Variants in DST observed in about 807,000 individuals in gnomAD.
DST encodes bullous pemphigoid antigen.
Under a neutral mutation model 875.2 loss-of-function variants are expected in DST, and 253 were observed. The ratio of observed to expected loss-of-function variants is 0.29; its 90% CI spans 0.26 to 0.32. The LOEUF is 0.32. Ranked by LOEUF, DST falls within the 10% of genes least tolerant of loss-of-function variation. The pLI is 1.00. For missense variants in DST, 8,287 were observed against 9,111.6 expected (o/e 0.91, Z 3.68); for synonymous variants, 3,124 against 3,197.1 (o/e 0.98, Z 0.77).
intron 17 of DST, 44 bp from the exon 18 acceptor site, chr6:56,640,649 T>C (rs2098886913): frequency 1.4e-6 from 2 of 1,439,692 alleles, no homozygotes; most frequent in Non-Finnish European, 2.0e-6. Context: ...ATAAAGGCAC[T>C]TGTAACAAAG....
At chr6:56,523,411 A>C (rs2096741790) in intron 69 of DST, among the ~76,000 whole-genome samples, 1 of 152,136 alleles carries the variant, frequency 6.6e-6, no homozygotes, top group Non-Finnish European at 1.5e-5. Flanking sequence ...ATTTATACAA[A>C]GTGGTTACAA....
chr6:56,515,355 A>C, intron 72 of DST, 95 bp downstream of exon 72: 2 of 1,371,364 alleles, frequency 1.5e-6, no homozygotes, highest in South Asian at 2.8e-5. Flanking sequence ...AAAATGCCTT[A>C]ATCATGTAAG....
Position 56,608,368 on chromosome 6 carries a change from A to G in DST, c.6260T>C (p.Leu2087Ser). Residue 2087 changes from leucine (L) to serine (S), a missense_variant, in exon 40 of 104, where the codon TTG becomes TCG. Transcript: ENST00000680361. ...TTCATTTGTAATCAATTCTTGCTGC[A>G]AGGAAGATGATGTGGGAAATATTTC... ...SGEIFPTSSS[L>S]QQELITNELA... 1 of 1,612,888 alleles carries G rather than the reference A, an allele frequency of 6.2e-7. No homozygotes were observed. Among genetic ancestry groups the G allele is most frequent in the Non-Finnish European group, 8.5e-7 (1 of 1,179,786 alleles).
intron 53 of DST, 24 bp downstream of exon 53, chr6:56,572,076 T>A: frequency 1.5e-6 from 2 of 1,312,014 alleles, no homozygotes; most frequent in Non-Finnish European, 2.0e-6. Context: ...TAGAATAAAA[T>A]ATAATTTTTA....
In DST at chr6:56,605,189, T is replaced by A. The variant is rs749282620; in HGVS notation, c.9439A>T (p.Lys3147Ter). 6.2e-7 allele frequency: 1 copy of A among 1,611,868 alleles called. No homozygotes were observed. Among genetic ancestry groups the A allele is most frequent in the African/African-American group, 1.3e-5 (1 of 74,860 alleles). Residue 3147 changes from lysine (K) to a stop codon, truncating the protein, a stop_gained, in exon 40 of 104, where the codon AAA becomes TAA. Coordinates refer to ENST00000680361, the MANE Select transcript of DST (RefSeq NM_001374736.1). LOFTEE classifies it high-confidence loss of function. ...LEEIFDTSVSKEISDDITSDI... is the reference protein window; with the variant it reads ...LEEIFDTSVS ...GAAGTAATGTCATCACTAATCTCTT[T>A]GGAAACTGATGTGTCAAAAATTTCT...
intron 4 of DST, among the ~76,000 whole-genome samples, chr6:56,762,885 T>C (rs2099620832): frequency 6.7e-6 from 1 of 149,096 alleles, no homozygotes; most frequent in Non-Finnish European, 1.5e-5. Context: ...AGTTTCACTC[T>C]TGTTGCCCAG....
chr6:56,517,732 G>T (rs865937195), intron 69 of DST, 112 bp from the exon 70 acceptor site: 2 of 1,264,988 alleles, frequency 1.6e-6, no homozygotes, highest in South Asian at 3.3e-5. Flanking sequence ...ATCCGAGCTT[G>T]TCTCCTCATG....
chr6:56,480,169 G>A (rs763230406), intron 90 of DST, among the ~76,000 whole-genome samples: 14 of 152,104 alleles, frequency 9.2e-5, no homozygotes, highest in Non-Finnish European at 1.5e-4. Flanking sequence ...CTATAATGGA[G>A]TCAACGTTCA....
chr6:56,639,478 T>C lies in DST; in HGVS notation c.2831A>G (p.Asn944Ser), dbSNP rs370831727. 5.0e-6 allele frequency: 8 copies of C among 1,613,742 alleles called. No individual in the cohort carries two copies. The highest frequency in any genetic ancestry group is 6.8e-6 in the Non-Finnish European group (8 of 1,179,906). Reference protein sequence around the residue: ...VAYDWSERNTNIARKKDYHAE... With the variant: ...VAYDWSERNTSIARKKDYHAE... ...ATGATAATCTTTTTTCCTAGCTATGTTGGTGTTTCTCTCACTCCAGTCATA... is the reference window on the plus strand; with the variant it reads ...ATGATAATCTTTTTTCCTAGCTATGCTGGTGTTTCTCTCACTCCAGTCATA... Residue 944 changes from asparagine (N) to serine (S), a missense_variant, in exon 21 of 104, where the codon AAC becomes AGC. Asn to Ser is a conservative substitution (Grantham distance 46). Coordinates refer to ENST00000680361, the MANE Select transcript of DST (RefSeq NM_001374736.1).
At position 56,536,745 on chromosome 6, in the gene DST, A is replaced by G. The variant is rs779114822; in HGVS notation, c.16770+34T>C. On this transcript the variant is annotated intron_variant, in intron 62 of 103. Coordinates refer to ENST00000680361, the MANE Select transcript of DST (RefSeq NM_001374736.1). ...CCACAAATGCTCATGAATAATAATC[A>G]GCAAAATAGCAATGAAGGGGGTGAG... 5.4e-6 allele frequency: 8 copies of G among 1,485,494 alleles called. No individual in the cohort carries two copies. In the Admixed American group the frequency reaches 9.0e-5, roughly 17 times the overall value. The allele number at this position is 1,485,494 out of a possible 1,614,324, so 92.0% of individuals were successfully genotyped here.
chr6:56,616,638 C>CAA, intron 36 of DST: 3 of 1,614,148 alleles, frequency 1.9e-6, no homozygotes, highest in Non-Finnish European at 2.5e-6. Context: ...TGTAAGATGG[C>CAA]ATTATTCAAC....
intron 61 of DST, among the ~76,000 whole-genome samples, chr6:56,539,700 C>G (rs114948645): frequency 2.6e-5 from 4 of 152,150 alleles, no homozygotes; most frequent in African/African-American, 4.8e-5. Context: ...AAGGCTGCAC[C>G]CTTTACTTTC....
intron 3 of DST, among the ~76,000 whole-genome samples, chr6:56,869,669 A>G (rs1776033055): frequency 6.6e-6 from 1 of 151,822 alleles, no homozygotes; most frequent in South Asian, 2.1e-4. Flanking sequence ...TCTATGCAGT[A>G]TGAAAAACTC....
chr6:56,729,918 TAGTC>T (rs140870132), intron 5 of DST, among the ~76,000 whole-genome samples: 34 of 152,302 alleles, frequency 2.2e-4, no homozygotes, highest in African/African-American at 8.2e-4. Flanking sequence ...AAATCTGTGA[TAGTC>T]AGTTGGGTGT....
chr6:56,480,088 C>T (rs996472050), intron 90 of DST, among the ~76,000 whole-genome samples: 12 of 152,082 alleles, frequency 7.9e-5, no homozygotes, highest in African/African-American at 2.9e-4. Flanking sequence ...TTTTTGTGTT[C>T]CCGGTAGTTG....
chr6:56,495,127 A>G (rs2095863929), intron 82 of DST, among the ~76,000 whole-genome samples: 1 of 151,626 alleles, frequency 6.6e-6, no homozygotes, highest in South Asian at 2.1e-4. Flanking sequence ...AGCCCTATAT[A>G]AATATATTTA....
At chr6:56,722,993 A>G (rs2099428438) in intron 5 of DST, among the ~76,000 whole-genome samples, 1 of 152,246 alleles carries the variant, frequency 6.6e-6, no homozygotes, top group Non-Finnish European at 1.5e-5. Context: ...TTAGAAATGT[A>G]TGATAGAAAA....
intron 2 of DST, among the ~76,000 whole-genome samples, chr6:56,946,554 G>A (rs1819588719): frequency 6.6e-6 from 1 of 152,158 alleles, no homozygotes; most frequent in African/African-American, 2.4e-5. Context: ...TAAAGAAGGA[G>A]GGGATGACTA....
rs116235005 is a variant in DST, at chr6:56,807,458, A to G, written c.625+43939T>C. 3.4e-3 allele frequency among the ~76,000 whole-genome samples: 520 copies of G among 152,350 alleles called. 4 individuals carry two copies. The highest frequency in any genetic ancestry group is 0.012 in the African/African-American group (505 of 41,576). On this transcript the variant is annotated intron_variant, in intron 4 of 103. Coordinates refer to ENST00000680361, the MANE Select transcript of DST (RefSeq NM_001374736.1). ...AGACTAGCCAAAACAATTACGTAAA[A>G]GGACAAACTGGGACTCACATTACCT...
Sources: allele counts gnomAD v4.1 joint callset (sites outside exome capture counted in the v4.1 genomes callset), GRCh38; gene constraint gnomAD v4.1.1; transcripts MANE v1.5; gene names NCBI Gene and HGNC (gene_info 2026-07-23, HGNC 2026-07-21).